Variants in KANSL1 observed in about 807,000 individuals in gnomAD.
The protein encoded by KANSL1 is KAT8 regulatory NSL complex subunit 1.
Under a neutral mutation model 103.6 loss-of-function variants are expected in KANSL1, and 22 were observed. That is an observed-to-expected ratio of 0.21 (90% CI 0.15 to 0.30). The LOEUF is 0.30. Among genes scored for constraint, KANSL1 ranks in the 10% least tolerant of loss-of-function variants. The pLI is 1.00. For missense variants in KANSL1, 1,337 were observed against 1,399.8 expected, an observed-to-expected ratio of 0.96 and a Z score of 0.72; for synonymous variants, 600 against 527.6, an observed-to-expected ratio of 1.14 and a Z score of -1.88.
At chr17:46,184,673 G>C (rs966380440) in intron 1 of KANSL1, among the ~76,000 whole-genome samples, 3 of 152,060 alleles carry the variant, frequency 2.0e-5, no homozygotes, top group Non-Finnish European at 4.4e-5. Context: ...TCACGGTTCA[G>C]CTCAAGGTTA....
intron 1 of KANSL1, among the ~76,000 whole-genome samples, chr17:46,185,846 A>G (rs1158016486): frequency 6.6e-6 from 1 of 152,142 alleles, no homozygotes; most frequent in African/African-American, 2.4e-5. Context: ...ACATAGCAAG[A>G]TACCATCTCA....
intron 7 of KANSL1, chr17:46,040,106 A>G (rs1008365315): frequency 6.8e-6 from 3 of 443,764 alleles, no homozygotes; most frequent in African/African-American, 6.0e-5. Context: ...AAGGGAAACA[A>G]AACAAGACAC....
At chr17:46,133,076 C>T (rs17577975) in intron 2 of KANSL1, among the ~76,000 whole-genome samples, 21,636 of 151,958 alleles carry the variant, frequency 0.14, 2,118 homozygotes, top group Non-Finnish European at 0.22. Flanking sequence ...ACATTTTTAA[C>T]ATCAGGTCCT....
At chr17:46,096,302 C>CTTTTTTTTCT (rs2042062691) in intron 2 of KANSL1, among the ~76,000 whole-genome samples, 1 of 82,562 alleles carries the variant, frequency 1.2e-5, no homozygotes, top group Non-Finnish European at 2.3e-5. Flanking sequence ...ACATACCTGG[C>CTTTTTTTTCT]TTTTTTTTCT....
intron 14 of KANSL1, 53 bp from the exon 15 acceptor site, chr17:46,031,756 C>T (rs1010844724): frequency 1.4e-5 from 20 of 1,480,020 alleles, no homozygotes; most frequent in African/African-American, 2.8e-5. Flanking sequence ...AGCCTGCTTC[C>T]TGCTCCAAGG....
intron 1 of KANSL1, among the ~76,000 whole-genome samples, chr17:46,220,595 G>A (rs1313357801): frequency 6.6e-6 from 1 of 152,266 alleles, no homozygotes; most frequent in African/African-American, 2.4e-5. Flanking sequence ...GCAATGAGAA[G>A]TCTCCTTCCT....
intron 4 of KANSL1, among the ~76,000 whole-genome samples, chr17:46,076,062 G>C (rs1266965748): frequency 6.6e-6 from 1 of 152,186 alleles, no homozygotes. Context: ...ATGACAATTA[G>C]CTTTTACTAA....
upstream of KANSL1, among the ~76,000 whole-genome samples, chr17:46,198,109 A>C (rs1186674942): frequency 6.6e-6 from 1 of 152,210 alleles, no homozygotes; most frequent in Non-Finnish European, 1.5e-5. Flanking sequence ...GAGACACATC[A>C]TAAGAACTGA....
intron 6 of KANSL1, among the ~76,000 whole-genome samples, chr17:46,058,411 C>T (rs926335795): frequency 1.3e-5 from 2 of 152,150 alleles, no homozygotes; most frequent in African/African-American, 4.8e-5. Context: ...CCTGACCTAA[C>T]AAATGACAAG....
intron 4 of KANSL1, among the ~76,000 whole-genome samples, chr17:46,078,195 G>A (rs1028827901): frequency 6.6e-6 from 1 of 152,118 alleles, no homozygotes; most frequent in African/African-American, 2.4e-5. Context: ...TATGGTGAAT[G>A]CCTTCGTCCT....
At chr17:46,181,798 T>C (rs955080381) in intron 1 of KANSL1, among the ~76,000 whole-genome samples, 3 of 152,192 alleles carry the variant, frequency 2.0e-5, no homozygotes, top group East Asian at 1.9e-4. Context: ...AGCACATCAA[T>C]TGATACGGAC....
intron 6 of KANSL1, among the ~76,000 whole-genome samples, chr17:46,055,444 G>A (rs2077889411): frequency 6.9e-6 from 1 of 145,838 alleles, no homozygotes; most frequent in South Asian, 2.1e-4. Context: ...CAGCCTGGGC[G>A]ACAAGAGCAA....
intron 3 of KANSL1, chr17:46,093,153 A>T (rs544680885): frequency 1.3e-5 from 2 of 152,332 alleles, no homozygotes; most frequent in South Asian, 4.1e-4. Context: ...CTAGAAACAG[A>T]CACTGAAGAG....
At chr17:46,095,332 T>TA (rs1185647308) in intron 2 of KANSL1, among the ~76,000 whole-genome samples, 1 of 152,226 alleles carries the variant, frequency 6.6e-6, no homozygotes, top group South Asian at 2.1e-4. Flanking sequence ...GAAACAGATC[T>TA]AAAAGTTCAC....
chr17:46,150,398 A>G (rs1295669826), intron 2 of KANSL1, among the ~76,000 whole-genome samples: 1 of 152,132 alleles, frequency 6.6e-6, no homozygotes, highest in African/African-American at 2.4e-5. Context: ...CTTAATCTGT[A>G]TCTTTTCTGA....
intron 4 of KANSL1, among the ~76,000 whole-genome samples, chr17:46,078,643 C>T (rs560680847): frequency 4.8e-4 from 73 of 152,306 alleles, no homozygotes; most frequent in African/African-American, 1.6e-3. Context: ...CTCTTCCTGG[C>T]AATACTTTCT....
intron 2 of KANSL1, among the ~76,000 whole-genome samples, chr17:46,147,244 A>G (rs1597797554): frequency 1.3e-5 from 2 of 152,216 alleles, no homozygotes; most frequent in Admixed American, 1.3e-4. Flanking sequence ...TTACTGGTTT[A>G]AAATTTCTGA....
At chr17:46,137,866 CA>C (rs368446805) in intron 2 of KANSL1, among the ~76,000 whole-genome samples, 262 of 92,402 alleles carry the variant, frequency 2.8e-3, no homozygotes, top group Admixed American at 2.6e-3. Flanking sequence ...GACTCTGTCT[CA>C]AAAAAAAAAA....
At chr17:46,168,626 C>G (rs1211509572) in intron 2 of KANSL1, among the ~76,000 whole-genome samples, 2 of 152,232 alleles carry the variant, frequency 1.3e-5, no homozygotes, top group African/African-American at 4.8e-5. Flanking sequence ...GGTGGGATTA[C>G]AGGAGTGAGC....
Sources: gnomAD v4.1 joint callset for allele counts (sites outside exome capture counted in the v4.1 genomes callset) on GRCh38, gnomAD v4.1.1 for gene constraint, MANE v1.5 for transcripts, NCBI Gene and HGNC (gene_info 2026-07-23, HGNC 2026-07-21) for gene names.